CD58: variants seen among roughly 807,000 people sequenced by gnomAD.
CD58 encodes CD58 molecule.
Under a neutral mutation model 27.6 loss-of-function variants are expected in CD58, and 14 were observed. That is an observed-to-expected ratio of 0.51 (90% CI 0.34 to 0.79). CD58 has a LOEUF of 0.79. Among genes scored for constraint, CD58 ranks in the 30% least tolerant of loss-of-function variants. CD58 has a pLI of 0.02. For synonymous variants in CD58, 117 were observed against 103.8 expected, an observed-to-expected ratio of 1.13 and a Z score of -0.77; for missense variants, 268 against 301.7, an observed-to-expected ratio of 0.89 and a Z score of 0.83.
chr1:116,566,755 C>A (rs1400455516), intron 1 of CD58, among the ~76,000 whole-genome samples: 3 of 152,018 alleles, frequency 2.0e-5, no homozygotes, highest in Non-Finnish European at 4.4e-5. Flanking sequence ...GTCCACATAA[C>A]CTTCTAAAAT....
At chr1:116,533,246 G>T in intron 3 of CD58, 1 of 886,726 alleles carries the variant, frequency 1.1e-6, no homozygotes. Flanking sequence ...ATACTTGTTT[G>T]GTAATTGTTC....
chr1:116,520,481 G>A (rs1447484969), intron 4 of CD58, among the ~76,000 whole-genome samples: 1 of 151,712 alleles, frequency 6.6e-6, no homozygotes, highest in Non-Finnish European at 1.5e-5. Flanking sequence ...ACTGACCAGG[G>A]GAGTAATTTT....
Position 116,552,291 on chromosome 1 carries a change from G to A in CD58, c.71-7687C>T, listed in dbSNP as rs56208406. Among the ~76,000 whole-genome samples, 253 of 152,258 alleles carry A rather than the reference G, an allele frequency of 1.7e-3. 1 individual carries two copies. The highest frequency in any genetic ancestry group is 5.7e-3 in the African/African-American group (238 of 41,558). ...ATAGCATTTATCAATTAAGTTCACC[G>A]TCTTATACGCATGGTTCTTGGCATC... On this transcript the variant is annotated intron_variant, in intron 1 of 5. Coordinates refer to ENST00000369489, the MANE Select transcript of CD58 (RefSeq NM_001779.3). This position sits in a 1 kb window ranked among gnomAD's most constrained non-coding sequence, Gnocchi z 4.5.
At chr1:116,551,733 TC>T (rs1658400436) in intron 1 of CD58, among the ~76,000 whole-genome samples, 9 of 149,594 alleles carry the variant, frequency 6.0e-5, no homozygotes, top group African/African-American at 2.0e-4. Context: ...TTTTTTTCTT[TC>T]TTTCTTTTTT....
At chr1:116,567,557 G>A (rs1028401404) in intron 1 of CD58, among the ~76,000 whole-genome samples, 3 of 152,184 alleles carry the variant, frequency 2.0e-5, no homozygotes, top group Middle Eastern at 6.3e-3. Context: ...AGAATTGCTT[G>A]AGCCTCAGAG....
At chr1:116,551,495 G>A (rs538479162) in intron 1 of CD58, among the ~76,000 whole-genome samples, 1 of 152,346 alleles carries the variant, frequency 6.6e-6, no homozygotes, top group East Asian at 1.9e-4. Context: ...AAGAGAGTTA[G>A]GGTCTTGCTC....
In CD58 at chr1:116,521,889, T is replaced by C. The variant is rs371147528; in HGVS notation, c.706+17A>G. On this transcript the variant is annotated intron_variant, in intron 4 of 5. Coordinates refer to ENST00000369489, the MANE Select transcript of CD58 (RefSeq NM_001779.3). This position sits in a 1 kb window ranked among gnomAD's most constrained non-coding sequence, Gnocchi z 5.6. Reference sequence around the variant, plus strand: ...ATGCAAGTTTTCAAACTATTTTGTTTTAAAAAGCATACATACCATTCATAT... The same window carrying C: ...ATGCAAGTTTTCAAACTATTTTGTTCTAAAAAGCATACATACCATTCATAT... 225 of 1,350,468 alleles carry C rather than the reference T, an allele frequency of 1.7e-4. 3 individuals are homozygous for C. Among genetic ancestry groups the C allele is most frequent in the South Asian group, 1.2e-3 (98 of 83,260 alleles). 83.7% of individuals were successfully genotyped at this position (1,350,468 alleles called of 1,614,324 possible).
At chr1:116,543,064 T>G (rs533625126) in intron 2 of CD58, among the ~76,000 whole-genome samples, 1 of 152,184 alleles carries the variant, frequency 6.6e-6, no homozygotes, top group South Asian at 2.1e-4. Flanking sequence ...TGTAGGGTGG[T>G]GTATTTTTCT....
rs999013119 is a variant in CD58, at chr1:116,570,575, G to T, written c.70+328C>A. On this transcript the variant is annotated intron_variant, in intron 1 of 5. Coordinates refer to ENST00000369489, the MANE Select transcript of CD58 (RefSeq NM_001779.3). This position sits in a 1 kb window ranked among gnomAD's most constrained non-coding sequence, Gnocchi z 6.4. ...CGCTGAAGCGCTCAGCGACGTTACTGGGGAAGCCCAGGAAGGAACTTGGTC... is the reference window on the plus strand; with the variant it reads ...CGCTGAAGCGCTCAGCGACGTTACTTGGGAAGCCCAGGAAGGAACTTGGTC... Among the ~76,000 whole-genome samples, 1 of 152,082 alleles carries T rather than the reference G, an allele frequency of 6.6e-6. No homozygotes were observed. Among genetic ancestry groups the T allele is most frequent in the Admixed American group, 6.5e-5 (1 of 15,286 alleles).
rs770324287 is a variant in CD58 at position 116,536,200 on chromosome 1, A to C, written c.393T>G (p.Cys131Trp). 3 of 1,612,612 alleles carry C rather than the reference A, an allele frequency of 1.9e-6. No homozygotes were observed. The change falls in exon 3 of 6, where the codon TGT (cysteine) becomes TGG (tryptophan). Residue 131 changes from cysteine to tryptophan, a missense_variant. Transcript: ENST00000369489. The surrounding 1 kb of genome is among the most constrained non-coding windows in gnomAD (Gnocchi z 5.4). ...CTTCAATGCTTCCATTAGTCAATGC[A>C]CAAGTTAGTGTGGGAGATGGAAGAG... ...LESLPSPTLT[C>W]ALTNGSIEVQ...
At chr1:116,549,859 A>C (rs901620980) in intron 1 of CD58, among the ~76,000 whole-genome samples, 13 of 152,254 alleles carry the variant, frequency 8.5e-5, no homozygotes, top group Admixed American at 6.5e-4. Context: ...GTTTGGTCCC[A>C]GACAACAGCA....
In CD58 at chr1:116,570,938, C is replaced by A. The variant is rs1659121098; in HGVS notation, c.35G>T (p.Gly12Val). The A allele has an allele frequency of 1.3e-6, 2 of 1,568,524 alleles. No individual in the cohort carries two copies. The highest frequency in any genetic ancestry group is 1.7e-6 in the Non-Finnish European group (2 of 1,163,390). The stretch of plus-strand genomic sequence containing the variant: ...CAGCAGGCAGACCACGCTGAGGACC[C>A]CCAGGGCCCGCCCCGCGTCGCTCCC... ...VAGSDAGRALGVLSVVCLLHC... is the reference protein window; with the variant it reads ...VAGSDAGRALVVLSVVCLLHC... Residue 12 changes from glycine to valine, a missense_variant, in exon 1 of 6, where the codon GGG becomes GTG. Physicochemically the swap from Gly to Val is moderately radical, Grantham distance 109. Transcript: ENST00000369489. The surrounding 1 kb of genome is among the most constrained non-coding windows in gnomAD (Gnocchi z 6.4).
chr1:116,535,567 C>T (rs886248649), intron 3 of CD58, among the ~76,000 whole-genome samples: 1 of 98,180 alleles, frequency 1.0e-5, no homozygotes, highest in Non-Finnish European at 1.8e-5. Flanking sequence ...GTTGGCCGGG[C>T]GCGGTGGCTC....
chr1:116,548,538 T>G (rs944935529), intron 1 of CD58, among the ~76,000 whole-genome samples: 5 of 152,240 alleles, frequency 3.3e-5, no homozygotes, highest in Non-Finnish European at 7.3e-5. Flanking sequence ...AATAAGTTCT[T>G]TTCTCTAGCT....
rs146896919 is a variant in CD58 at position 116,565,342 on chromosome 1, C to T, written c.70+5561G>A. Among the ~76,000 whole-genome samples the T allele has an allele frequency of 1.4e-4, 21 of 152,308 alleles. No homozygotes were observed. In the South Asian group the frequency reaches 2.9e-3, roughly 21 times the overall value. ...AATGGTATCCTTGAAGTTTCTTAAA[C>T]GCTTGAAGCCTATCTCAGGGTCCTG... On this transcript the variant is annotated intron_variant, in intron 1 of 5. Coordinates refer to ENST00000369489, the MANE Select transcript of CD58 (RefSeq NM_001779.3).
intron 1 of CD58, among the ~76,000 whole-genome samples, chr1:116,565,733 T>G (rs563530565): frequency 6.6e-6 from 1 of 151,026 alleles, no homozygotes; most frequent in Non-Finnish European, 1.5e-5. Context: ...TTTTGTTTTT[T>G]TTTTTTGAGA....
At chr1:116,547,705 G>A (rs114541668) in intron 1 of CD58, among the ~76,000 whole-genome samples, 45 of 151,984 alleles carry the variant, frequency 3.0e-4, no homozygotes, top group African/African-American at 1.1e-3. Context: ...TTGATTGATG[G>A]GCATTTATGC....
intron 3 of CD58, among the ~76,000 whole-genome samples, chr1:116,526,744 G>C (rs1169739325): frequency 6.6e-6 from 1 of 152,090 alleles, no homozygotes; most frequent in Non-Finnish European, 1.5e-5. Context: ...TTTTGCTTGG[G>C]ATTGCACTGA....
chr1:116,568,684 C>T (rs1025094740), intron 1 of CD58, among the ~76,000 whole-genome samples: 5 of 152,242 alleles, frequency 3.3e-5, no homozygotes, highest in Non-Finnish European at 7.3e-5. Context: ...ATATTTATTG[C>T]ATGACTGATG....
Sources: allele counts gnomAD v4.1 joint callset (sites outside exome capture counted in the v4.1 genomes callset), GRCh38; gene constraint gnomAD v4.1.1; non-coding constraint Gnocchi (gnomAD v3.1); transcripts MANE v1.5; gene names NCBI Gene and HGNC (gene_info 2026-07-23, HGNC 2026-07-21).